Variants in COL4A5 observed in about 807,000 individuals in gnomAD.
COL4A5 encodes collagen type IV alpha 5 chain.
COL4A5 carries 26 observed loss-of-function variants against 130.2 expected under a neutral mutation model. That is an observed-to-expected ratio of 0.20 (90% CI 0.15 to 0.28). The LOEUF (loss-of-function observed/expected upper bound fraction) is 0.28, where lower values mean the gene tolerates loss of function less well. COL4A5 is among the 10% of genes least tolerant of loss of function. The pLI, the probability that COL4A5 is intolerant of heterozygous loss-of-function variation, is 1.00. For missense variants in COL4A5, 1,131 were observed against 1,344.3 expected (o/e 0.84, Z 2.48); for synonymous variants, 496 against 439.6 (o/e 1.13, Z -1.60).
At chrX:108,612,994 C>G (rs1317985774) in intron 29 of COL4A5, among the ~76,000 whole-genome samples, 1 of 111,795 alleles carries the variant, frequency 8.9e-6, no homozygotes, top group Non-Finnish European at 1.9e-5. Context: ...CTAAGGCAAT[C>G]TCAACAGAAA....
At chrX:108,681,048 G>C in intron 46 of COL4A5, 92 bp downstream of exon 46, 1 of 795,569 alleles carries the variant, frequency 1.3e-6, no homozygotes, top group African/African-American at 2.0e-5. Context: ...CAGACCATCG[G>C]AGGCTAAGTC....
At chrX:108,449,028 C>T (rs1434045162) in intron 1 of COL4A5, among the ~76,000 whole-genome samples, 1 of 111,561 alleles carries the variant, frequency 9.0e-6, no homozygotes, top group Non-Finnish European at 1.9e-5. Context: ...CTAAGGAGTC[C>T]CACAGCACCA....
chrX:108,530,064 C>T (rs947339330), intron 1 of COL4A5, among the ~76,000 whole-genome samples: 2 of 111,441 alleles, frequency 1.8e-5, no homozygotes, highest in South Asian at 3.8e-4. Flanking sequence ...ACCTAACAGA[C>T]ATTTACAAAA....
At chrX:108,508,499 A>G (rs896394720) in intron 1 of COL4A5, among the ~76,000 whole-genome samples, 2 of 105,119 alleles carry the variant, frequency 1.9e-5, no homozygotes, top group Admixed American at 2.1e-4. Flanking sequence ...TTCCTATCAG[A>G]CTACCAGTGA....
intron 13 of COL4A5, 26 bp downstream of exon 13, chrX:108,578,409 G>T (rs371105605): frequency 6.9e-5 from 73 of 1,054,030 alleles, no homozygotes; most frequent in Non-Finnish European, 1.2e-5. Flanking sequence ...GGAAGTCAAT[G>T]AAAATCTTGC....
chrX:108,596,906 TTGA>T (rs1454714634), intron 22 of COL4A5, 89 bp from the exon 23 acceptor site: 56 of 922,498 alleles, frequency 6.1e-5, no homozygotes, highest in African/African-American at 1.6e-4. Flanking sequence ...ACTTTCTGAC[TTGA>T]TGATTTCTGT....
At chrX:108,506,562 C>T (rs891864663) in intron 1 of COL4A5, among the ~76,000 whole-genome samples, 63 of 111,212 alleles carry the variant, frequency 5.7e-4, no homozygotes, top group East Asian at 2.3e-3. Context: ...AACTTAGATT[C>T]CTCCCATGTG....
At chrX:108,506,856 C>T (rs1202846715) in intron 1 of COL4A5, among the ~76,000 whole-genome samples, 3 of 110,947 alleles carry the variant, frequency 2.7e-5, no homozygotes, top group Non-Finnish European at 5.7e-5. Context: ...AGCAATCCTC[C>T]TGCCTCAGCC....
chrX:108,450,663 AT>A, intron 1 of COL4A5, among the ~76,000 whole-genome samples: 2 of 110,881 alleles, frequency 1.8e-5, no homozygotes, highest in Middle Eastern at 9.2e-3. Flanking sequence ...TATTTTTTAT[AT>A]TGTACAATAA....
intron 1 of COL4A5, among the ~76,000 whole-genome samples, chrX:108,459,325 C>CTAAT (rs1168947797): frequency 9.0e-6 from 1 of 110,550 alleles, no homozygotes; most frequent in Non-Finnish European, 1.9e-5. Context: ...CCTTATTGTA[C>CTAAT]TAATTAGGGC....
At position 108,564,020 on chromosome X, in the gene COL4A5, TA is replaced by T. The variant is rs756239384; in HGVS notation, c.276+98del. ...TGAGACAATTGGAAAAGACCCATAT[TA>T]AAAGCCAAGAAGATAAATACAGTCT... On this transcript the variant is annotated intron_variant, in intron 4 of 52. Transcript: ENST00000328300. The T allele has an allele frequency of 2.1e-3, 1,740 of 811,272 alleles. 3 individuals are homozygous for T. Among genetic ancestry groups the T allele is most frequent in the Non-Finnish European group, 2.7e-3 (1,517 of 552,188 alleles). The allele number at this position is 811,272 out of a possible 1,213,427, so 66.9% of individuals were successfully genotyped here. A position where few individuals can be genotyped will look rare whatever the true frequency, so the allele number is the denominator to read the frequency against.
chrX:108,561,833 G>GGAAA (rs2065903905), intron 3 of COL4A5, among the ~76,000 whole-genome samples: 1 of 111,286 alleles, frequency 9.0e-6, no homozygotes, highest in Non-Finnish European at 1.9e-5. Context: ...ATGATCTCTG[G>GGAAA]GAAAATAGGA....
intron 47 of COL4A5, 102 bp from the exon 48 acceptor site, chrX:108,685,929 C>T (rs1431334435): frequency 1.3e-5 from 9 of 706,871 alleles, no homozygotes; most frequent in South Asian, 2.4e-5. Context: ...TAAGACAAAA[C>T]CAAATTGTGA....
intron 10 of COL4A5, among the ~76,000 whole-genome samples, chrX:108,577,021 T>C (rs2066161258): frequency 9.0e-6 from 1 of 110,957 alleles, no homozygotes; most frequent in Non-Finnish European, 1.9e-5. Context: ...TCACTTTACG[T>C]TTCTGGATAT....
At chrX:108,505,378 A>T (rs1161156198) in intron 1 of COL4A5, among the ~76,000 whole-genome samples, 1 of 111,014 alleles carries the variant, frequency 9.0e-6, no homozygotes, top group Non-Finnish European at 1.9e-5. Flanking sequence ...CCCTAAAGCT[A>T]TTGAAATAAA....
chrX:108,591,333 T>C (rs949621780), intron 20 of COL4A5, 102 bp downstream of exon 20: 45 of 849,532 alleles, frequency 5.3e-5, no homozygotes, highest in Middle Eastern at 4.3e-4. Context: ...GCGTTTCTGA[T>C]ATCTAAGAAA....
chrX:108,670,544 G>T (rs1336981967), intron 42 of COL4A5: 3 of 323,272 alleles, frequency 9.3e-6, no homozygotes, highest in African/African-American at 7.9e-5. Context: ...TTTGGAGTCT[G>T]TTTCTTATGT....
intron 30 of COL4A5, among the ~76,000 whole-genome samples, chrX:108,616,227 TTG>T (rs2066924400): frequency 6.5e-5 from 7 of 108,110 alleles, no homozygotes; most frequent in Non-Finnish European, 1.1e-4. Context: ...TTTTTTTTTG[TTG>T]TTGTTGTTGT....
intron 29 of COL4A5, among the ~76,000 whole-genome samples, chrX:108,607,728 C>T (rs940129762): frequency 9.0e-5 from 10 of 110,973 alleles, no homozygotes; most frequent in Non-Finnish European, 1.5e-4. Flanking sequence ...GTGATCCGCC[C>T]GCCTCGGCCT....
Sources: gnomAD v4.1 joint callset for allele counts (sites outside exome capture counted in the v4.1 genomes callset) on GRCh38, gnomAD v4.1.1 for gene constraint, MANE v1.5 for transcripts, NCBI Gene and HGNC (gene_info 2026-07-23, HGNC 2026-07-21) for gene names.